CCDC150: variants seen among roughly 807,000 people sequenced by gnomAD.
CCDC150 encodes coiled-coil domain-containing protein 150.
In CCDC150, 151 loss-of-function variants were observed where a neutral mutation model predicts 156.5. That is an observed-to-expected ratio of 0.97 (90% confidence interval 0.85 to 1.10). The LOEUF (loss-of-function observed/expected upper bound fraction) is 1.10. Ranked by LOEUF, CCDC150 falls within the 50% of genes least tolerant of loss-of-function variation. CCDC150 has a pLI of 0.00. For missense variants in CCDC150, 1,312 were observed against 1,268.1 expected, an observed-to-expected ratio of 1.03 and a Z score of -0.53; for synonymous variants, 452 against 429.4, an observed-to-expected ratio of 1.05 and a Z score of -0.65.
intron 14 of CCDC150, among the ~76,000 whole-genome samples, chr2:196,695,980 C>T (rs970629162): frequency 6.6e-6 from 1 of 152,168 alleles, no homozygotes; most frequent in African/African-American, 2.4e-5. Flanking sequence ...CCCGATGTGA[C>T]TCTGTTTTAA....
chr2:196,731,997 C>A (rs190114079), intron 26 of CCDC150, 36 bp from the exon 27 acceptor site: 1 of 1,592,624 alleles, frequency 6.3e-7, no homozygotes, highest in African/African-American at 1.3e-5. Context: ...GTAACTCTTT[C>A]TTTGTGTCTT....
rs969889393 is a variant in CCDC150, at chr2:196,677,387, T to C, written c.1509+26T>C. 6.5e-6 allele frequency: 9 copies of C among 1,378,760 alleles called. No individual in the cohort carries two copies. The African/African-American group carries it at 1.3e-4, about 20-fold the overall frequency. The allele number at this position is 1,378,760 out of a possible 1,614,324, so 85.4% of individuals were successfully genotyped here. ...GTATTCTTCATTTTACTTACTGATATTTCACTATATTTCCTTCTGTATTGC... is the reference window on the plus strand; with the variant it reads ...GTATTCTTCATTTTACTTACTGATACTTCACTATATTTCCTTCTGTATTGC... On this transcript the variant is annotated intron_variant, in intron 13 of 27. Coordinates refer to ENST00000389175, the MANE Select transcript of CCDC150 (RefSeq NM_001080539.2).
intron 7 of CCDC150, 44 bp from the exon 8 acceptor site, chr2:196,669,789 A>G (rs1694083344): frequency 2.3e-6 from 3 of 1,311,732 alleles, no homozygotes; most frequent in South Asian, 2.4e-5. Context: ...ATTTTAATGT[A>G]GCAAGTTACT....
rs749571966 is a variant in CCDC150 at position 196,730,919 on chromosome 2, A to G, written c.3043A>G (p.Lys1015Glu). 4.0e-5 allele frequency: 64 copies of G among 1,600,360 alleles called. No homozygotes were observed. The South Asian group carries it at 4.9e-4, about 12-fold the overall frequency. ...KCKEATENTL[K>E]EASVESEQIT... ...TAAAGAGGCAACAGAGAATACGCTG[A>G]AAGAAGCCAGTGTGGAATCAGAACA... The change falls in exon 26 of 28, where the codon AAA becomes GAA. Residue 1015 changes from lysine (K) to glutamate (E), a missense_variant. Transcript: ENST00000389175.
At chr2:196,655,075 A>G (rs572913363) in intron 2 of CCDC150, among the ~76,000 whole-genome samples, 8 of 152,352 alleles carry the variant, frequency 5.3e-5, no homozygotes, top group Middle Eastern at 6.8e-3. Context: ...AGTTCCTTCT[A>G]TCCTCAGGGT....
chr2:196,721,415 G>A (rs1323182330), intron 20 of CCDC150, 107 bp from the exon 21 acceptor site: 1 of 705,080 alleles, frequency 1.4e-6, no homozygotes, highest in Non-Finnish European at 1.9e-6. Flanking sequence ...ACTAATTATT[G>A]TTTCAATGGT....
intron 2 of CCDC150, among the ~76,000 whole-genome samples, chr2:196,651,746 TTAG>T (rs1208426520): frequency 1.3e-5 from 2 of 152,212 alleles, no homozygotes; most frequent in African/African-American, 4.8e-5. Context: ...TGTGTCTGTG[TTAG>T]TCCATTGTGC....
At chr2:196,683,119 G>T (rs1219183270) in intron 13 of CCDC150, among the ~76,000 whole-genome samples, 1 of 152,034 alleles carries the variant, frequency 6.6e-6, no homozygotes, top group Non-Finnish European at 1.5e-5. Context: ...AAAGCTTTTA[G>T]TTTGTCACCA....
intron 13 of CCDC150, among the ~76,000 whole-genome samples, chr2:196,688,300 G>A (rs1037187554): frequency 6.6e-6 from 1 of 151,960 alleles, no homozygotes; most frequent in Non-Finnish European, 1.5e-5. Context: ...TGTAGTTCTT[G>A]TAGAGACCTT....
chr2:196,708,935 A>G (rs759491177), intron 15 of CCDC150, among the ~76,000 whole-genome samples: 2 of 151,848 alleles, frequency 1.3e-5, no homozygotes, highest in Non-Finnish European at 1.5e-5. Flanking sequence ...TGCCGTTAAC[A>G]TTTTTTCCTT....
intron 16 of CCDC150, 23 bp downstream of exon 16, chr2:196,712,275 C>A: frequency 2.4e-6 from 3 of 1,245,558 alleles, no homozygotes; most frequent in Non-Finnish European, 2.2e-6. Flanking sequence ...TCTACAAAAG[C>A]GGATTGCTGC....
intron 13 of CCDC150, among the ~76,000 whole-genome samples, chr2:196,694,203 T>C (rs1695670433): frequency 6.6e-6 from 1 of 152,054 alleles, no homozygotes; most frequent in Non-Finnish European, 1.5e-5. Flanking sequence ...ATTATAGGCA[T>C]GTGCCACCAC....
At chr2:196,676,374 A>AT (rs1694505589) in intron 11 of CCDC150, 107 bp downstream of exon 11, 2 of 1,450,012 alleles carry the variant, frequency 1.4e-6, no homozygotes, top group Non-Finnish European at 1.9e-6. Flanking sequence ...TTGATTCTGC[A>AT]TTTTTTGGGC....
At chr2:196,698,682 T>C (rs1279205029) in intron 14 of CCDC150, among the ~76,000 whole-genome samples, 1 of 152,106 alleles carries the variant, frequency 6.6e-6, no homozygotes, top group Non-Finnish European at 1.5e-5. Context: ...GAATCGAATT[T>C]TAAATAAGCT....
chr2:196,717,618 G>A (rs115729711), intron 17 of CCDC150, among the ~76,000 whole-genome samples: 3,173 of 152,262 alleles, frequency 0.021, 45 homozygotes, highest in Middle Eastern at 0.034. Flanking sequence ...GGGGCGGGGC[G>A]TGGTTTCTCG....
intron 13 of CCDC150, among the ~76,000 whole-genome samples, chr2:196,680,885 T>C (rs1694777914): frequency 6.6e-6 from 1 of 152,228 alleles, no homozygotes. Flanking sequence ...CTAACACTTG[T>C]TATTGTTCAC....
In CCDC150 at chr2:196,657,060, T is replaced by A. The variant is rs572442181; in HGVS notation, c.500T>A (p.Val167Glu). Residue 167 changes from valine (V) to glutamate (E), a missense_variant, in exon 4 of 28, where the codon GTA (valine) becomes GAA (glutamate). Val to Glu is a moderately radical substitution (Grantham distance 121). Coordinates refer to ENST00000389175, the MANE Select transcript of CCDC150 (RefSeq NM_001080539.2). Reference sequence around the variant, plus strand: ...AATTTGCGCCAGCAACTGAGAGCTGTAAAAGAGGAAGAAGACAAGGCACAA... The same window carrying A: ...AATTTGCGCCAGCAACTGAGAGCTGAAAAAGAGGAAGAAGACAAGGCACAA... ...VMNLRQQLRA[V>E]KEEEDKAQDE... 1.1e-5 allele frequency: 18 copies of A among 1,613,792 alleles called. No homozygotes were observed. In the African/African-American group the frequency reaches 2.4e-4, roughly 22 times the overall value.
chr2:196,659,132 T>C (rs774875804), intron 5 of CCDC150, among the ~76,000 whole-genome samples: 1 of 152,198 alleles, frequency 6.6e-6, no homozygotes. Flanking sequence ...TGGCTGCCCG[T>C]ACACCATAGT....
intron 13 of CCDC150, among the ~76,000 whole-genome samples, chr2:196,686,659 A>T (rs773853890): frequency 6.6e-6 from 1 of 151,950 alleles, no homozygotes; most frequent in Non-Finnish European, 1.5e-5. Flanking sequence ...AGTTCAGTGT[A>T]CATGTGCAGG....
Sources: allele counts gnomAD v4.1 joint callset (sites outside exome capture counted in the v4.1 genomes callset), GRCh38; gene constraint gnomAD v4.1.1; transcripts MANE v1.5; gene names NCBI Gene and HGNC (gene_info 2026-07-23, HGNC 2026-07-21).